GNAS: variants seen among roughly 807,000 people sequenced by gnomAD.
The protein encoded by GNAS is GNAS complex locus.
A neutral mutation model predicts 54.5 loss-of-function variants in GNAS; 8 were observed. The observed-to-expected ratio is 0.15, with a 90% CI of 0.09 to 0.26. The LOEUF is 0.26. GNAS is among the 10% of genes least tolerant of loss of function. The pLI is 1.00. For missense variants in GNAS, 170 were observed against 529.8 expected (o/e 0.32, Z 6.67); for synonymous variants, 204 against 191.4 (o/e 1.07, Z -0.54).
In GNAS at chr20:58,856,529, AT is replaced by A. The variant is rs1439269371; in HGVS notation, c.43+15644del. ...CCTTTGTGTTTGAAATGCAACTAAA[AT>A]AAAAGTTTTCAAAAAATGCTCTGAG... is the stretch of plus-strand genomic sequence containing the variant. On this transcript the variant is annotated intron_variant, in intron 1 of 12. Coordinates refer to the GNAS transcript ENST00000306090. The surrounding 1 kb of genome is among the most constrained non-coding windows in gnomAD (Gnocchi z 4.2). 1.3e-5 allele frequency: 2 copies of A among 152,626 alleles called. No individual in the cohort carries two copies. The highest frequency in any genetic ancestry group is 1.5e-5 in the Non-Finnish European group (1 of 68,056). The allele number at this position is 152,626 out of a possible 1,614,324, so 9.5% of individuals were successfully genotyped here.
rs772094317 is a variant in GNAS at position 58,909,703 on chromosome 20, C to T, written c.738C>T (p.Phe246=). 19 of 1,613,904 alleles carry T rather than the reference C, an allele frequency of 1.2e-5. No homozygotes were observed. The Middle Eastern group carries it at 6.6e-4, about 56-fold the overall frequency. The change falls in exon 10 of 13, where the codon TTC becomes TTT. Residue 246 remains phenylalanine (F), a synonymous_variant. Coordinates refer to ENST00000371085, the MANE Select transcript of GNAS (RefSeq NM_000516.7). The surrounding 1 kb of genome is among the most constrained non-coding windows in gnomAD (Gnocchi z 7.3). ...QCFNDVTAII[F]VVASSSYNMV... ...GTTAAGATGTGACTGCCATCATCTT[C>T]GTGGTGGCCAGCAGCAGCTACAACA...
rs1321682515 is a variant in GNAS at position 58,909,461 on chromosome 20, T to C, written c.659+38T>C. 6.2e-6 allele frequency: 10 copies of C among 1,610,044 alleles called. No individual in the cohort carries two copies. The African/African-American group carries it at 6.7e-5, about 11-fold the overall frequency. The stretch of plus-strand genomic sequence containing the variant: ...TTACCTTTTTATATAACAGAGATCA[T>C]GGTTTCTTGACATTCACCCCAGTCC... On this transcript the variant is annotated intron_variant, in intron 8 of 12. Coordinates refer to ENST00000371085, the MANE Select transcript of GNAS (RefSeq NM_000516.7). This position sits in a 1 kb window ranked among gnomAD's most constrained non-coding sequence, Gnocchi z 7.3.
chr20:58,908,771 C>T (rs1056566521), intron 6 of GNAS: 2 of 271,636 alleles, frequency 7.4e-6, no homozygotes, highest in South Asian at 4.0e-5. Context: ...AAGAATATTG[C>T]CAGAGAGCAA....
intron 1 of GNAS, among the ~76,000 whole-genome samples, chr20:58,871,289 C>T (rs1299642846): frequency 6.6e-6 from 1 of 152,114 alleles, no homozygotes; most frequent in Non-Finnish European, 1.5e-5. Flanking sequence ...AATTAAGGTG[C>T]AAACGGAAGG....
At chr20:58,894,133 G>T (rs1196390710) in intron 1 of GNAS, among the ~76,000 whole-genome samples, 1 of 152,156 alleles carries the variant, frequency 6.6e-6, no homozygotes, top group Non-Finnish European at 1.5e-5. Flanking sequence ...AAAATTAAGT[G>T]AATTAGAGAA....
At chr20:58,851,806 G>A (rs1018976576) in intron 1 of GNAS, among the ~76,000 whole-genome samples, 1 of 152,250 alleles carries the variant, frequency 6.6e-6, no homozygotes, top group Non-Finnish European at 1.5e-5. Flanking sequence ...CCCAGAGCGA[G>A]AGGAGAGGGG....
chr20:58,859,870 C>T (rs879160626), intron 1 of GNAS, among the ~76,000 whole-genome samples: 5 of 152,092 alleles, frequency 3.3e-5, no homozygotes, highest in Non-Finnish European at 5.9e-5. Flanking sequence ...GTGATCCGCC[C>T]GCCTCAGCCT....
chr20:58,867,020 T>G (rs1460884736), intron 1 of GNAS, among the ~76,000 whole-genome samples: 7 of 152,246 alleles, frequency 4.6e-5, no homozygotes, highest in Non-Finnish European at 1.0e-4. Context: ...TCAAAACTTG[T>G]CTGAAGACTA....
Position 58,853,013 on chromosome 20 carries a change from G to A in GNAS, c.43+12127G>A. 1 of 1,306,796 alleles carries A rather than the reference G, an allele frequency of 7.7e-7. No individual in the cohort carries two copies. The highest frequency in any genetic ancestry group is 9.7e-7 in the Non-Finnish European group (1 of 1,030,384). The allele number at this position is 1,306,796 out of a possible 1,614,324, so 81.0% of individuals were successfully genotyped here. On this transcript the variant is annotated intron_variant, in intron 1 of 12. Coordinates refer to the GNAS transcript ENST00000306090. This position sits in a 1 kb window ranked among gnomAD's most constrained non-coding sequence, Gnocchi z 4.4. ...ACCAAGGAAGAGGGGCTGGGGGGCA[G>A]CCTGGGGGCATGAAAAGTGGCCAGG...
rs2091292607 is a variant in GNAS at position 58,909,447 on chromosome 20, T to C, written c.659+24T>C. 1 of 1,607,890 alleles carries C rather than the reference T, an allele frequency of 6.2e-7. No homozygotes were observed. Among genetic ancestry groups the C allele is most frequent in the Non-Finnish European group, 8.5e-7 (1 of 1,174,394 alleles). On this transcript the variant is annotated intron_variant, in intron 8 of 12. Transcript: ENST00000371085. The surrounding 1 kb of genome is among the most constrained non-coding windows in gnomAD (Gnocchi z 7.3). ...CAGTAAGCCAACTGTTACCTTTTTA[T>C]ATAACAGAGATCATGGTTTCTTGAC... is the stretch of plus-strand genomic sequence containing the variant.
chr20:58,907,531 C>CT (rs2091151936), intron 6 of GNAS, among the ~76,000 whole-genome samples: 2 of 152,174 alleles, frequency 1.3e-5, no homozygotes, highest in African/African-American at 4.8e-5. Flanking sequence ...GTTTTGAATG[C>CT]TGGGGGGGCA....
intron 1 of GNAS, chr20:58,855,174 A>C: frequency 6.2e-7 from 1 of 1,610,752 alleles, no homozygotes. Flanking sequence ...TCTCAAGGTC[A>C]AGAAGGTACC....
chr20:58,911,164 CAAAAT>C lies in GNAS; in HGVS notation c.*340_*344del, dbSNP rs1437641932. 6 of 494,182 alleles carry C rather than the reference CAAAAT, an allele frequency of 1.2e-5. No homozygotes were observed. The highest frequency in any genetic ancestry group is 3.9e-5 in the East Asian group (1 of 25,854). 30.6% of individuals were successfully genotyped at this position (494,182 alleles called of 1,614,324 possible). On this transcript the variant is annotated 3_prime_UTR_variant, in exon 13 of 13. Transcript: ENST00000371085. ...TGTGTTGTGCAGCATTAAAAAAAATCAAAATAAAAATTAAATGTGAGCAAAGAATG... is the reference window on the plus strand; with the variant it reads ...TGTGTTGTGCAGCATTAAAAAAAATCAAAAATTAAATGTGAGCAAAGAATG...
intron 1 of GNAS, chr20:58,855,192 G>A (rs1316931096): frequency 2.5e-6 from 4 of 1,605,092 alleles, no homozygotes; most frequent in Admixed American, 1.7e-5. Flanking sequence ...ACCCCTGGCG[G>A]AGAAGCGCAG....
upstream of GNAS, chr20:58,840,490 G>A (rs761520412): frequency 1.9e-5 from 30 of 1,613,180 alleles, no homozygotes; most frequent in Non-Finnish European, 2.5e-5. This position sits in a 1 kb window ranked among gnomAD's most constrained non-coding sequence, Gnocchi z 6.0. Flanking sequence ...TCGAGACCGA[G>A]CCTGAGACCG....
rs1304347361 is a variant in GNAS, at chr20:58,907,515, ACC to A, written c.531-1644_531-1643del. 1.4e-4 allele frequency among the ~76,000 whole-genome samples: 22 copies of A among 152,204 alleles called. No individual in the cohort carries two copies. The East Asian group carries it at 2.7e-3, about 19-fold the overall frequency. On this transcript the variant is annotated intron_variant, in intron 6 of 12. Transcript: ENST00000371085. Reference sequence around the variant, plus strand: ...GGTACAAGATTAAGAGAGTTTAACCACCCCAGTTTTGAATGCTGGGGGGGCAG... The same window carrying A: ...GGTACAAGATTAAGAGAGTTTAACCACCAGTTTTGAATGCTGGGGGGGCAG...
chr20:58,854,366 C>G (rs1413698143), intron 1 of GNAS: 1 of 1,574,616 alleles, frequency 6.4e-7, no homozygotes, highest in Non-Finnish European at 8.6e-7. Context: ...CCGCTGATGC[C>G]GCGGAGGGAG....
intron 1 of GNAS, among the ~76,000 whole-genome samples, chr20:58,860,726 A>G (rs545270737): frequency 6.6e-6 from 1 of 152,282 alleles, no homozygotes; most frequent in Admixed American, 6.5e-5. Flanking sequence ...CAGTGGTACT[A>G]TCTCGGCTCA....
chr20:58,892,980 AAAAAC>A (rs1432579525), intron 1 of GNAS, among the ~76,000 whole-genome samples: 23 of 151,410 alleles, frequency 1.5e-4, no homozygotes, highest in African/African-American at 3.1e-4. Context: ...TGTGAAAAGA[AAAAAC>A]AAAGACATTC....
Sources: gnomAD v4.1 joint callset for allele counts (sites outside exome capture counted in the v4.1 genomes callset) on GRCh38, gnomAD v4.1.1 for gene constraint, Gnocchi (gnomAD v3.1) non-coding constraint, MANE v1.5 for transcripts, NCBI Gene and HGNC (gene_info 2026-07-23, HGNC 2026-07-21) for gene names.